Variants in FILIP1 observed in about 807,000 individuals in gnomAD.
The protein encoded by FILIP1 is filamin A interacting protein 1.
Under a neutral mutation model 102.1 loss-of-function variants are expected in FILIP1, and 61 were observed. The ratio of observed to expected loss-of-function variants is 0.60; its 90% CI spans 0.49 to 0.74. The LOEUF (loss-of-function observed/expected upper bound fraction) is 0.74, where lower values mean the gene tolerates loss of function less well. FILIP1 is among the 30% of genes least tolerant of loss of function. The probability of loss-of-function intolerance (pLI) is 0.00; values close to 1 mark genes in which losing one functional copy is unlikely to be tolerated. For missense variants in FILIP1, 1,314 were observed against 1,441.2 expected, an observed-to-expected ratio of 0.91 and a Z score of 1.43; for synonymous variants, 491 against 526.9, an observed-to-expected ratio of 0.93 and a Z score of 0.93.
At chr6:75,415,057 A>T (rs1003967919) in intron 1 of FILIP1, 79 bp from the exon 2 acceptor site, 7 of 1,346,866 alleles carry the variant, frequency 5.2e-6, no homozygotes, top group Admixed American at 4.3e-5. Flanking sequence ...TTAGAAACTT[A>T]TAGCAGCTTT....
chr6:75,436,361 T>G (rs1470866375), intron 1 of FILIP1, among the ~76,000 whole-genome samples: 1 of 148,670 alleles, frequency 6.7e-6, no homozygotes, highest in African/African-American at 2.5e-5. Flanking sequence ...TGAGACCCTG[T>G]CTCAGGAAAA....
chr6:75,417,671 G>A (rs1777314356), intron 1 of FILIP1, among the ~76,000 whole-genome samples: 1 of 152,136 alleles, frequency 6.6e-6, no homozygotes, highest in Admixed American at 6.6e-5. Context: ...TCAACCCTGT[G>A]AAGTAGGTGC....
At chr6:75,457,991 T>A (rs1179510874) in intron 1 of FILIP1, among the ~76,000 whole-genome samples, 1 of 152,144 alleles carries the variant, frequency 6.6e-6, no homozygotes, top group Non-Finnish European at 1.5e-5. Flanking sequence ...ACCCCACCAA[T>A]AAGGCTACCA....
Position 75,441,706 on chromosome 6 carries a change from G to T in FILIP1, c.-6-26728C>A, listed in dbSNP as rs866428672. Among the ~76,000 whole-genome samples the T allele has an allele frequency of 2.1e-3, 302 of 145,792 alleles. 1 individual carries two copies. The highest frequency in any genetic ancestry group is 3.0e-3 in the Non-Finnish European group (200 of 66,368). On this transcript the variant is annotated intron_variant, in intron 1 of 5. Transcript: ENST00000237172. ...CTGACGGGGCGGCTGGCCGGGCGGG[G>T]GACTGACCCCCCCACCTCCCTCCCG...
intron 1 of FILIP1, among the ~76,000 whole-genome samples, chr6:75,473,563 T>C (rs1022074726): frequency 4.6e-5 from 7 of 152,110 alleles, no homozygotes; most frequent in African/African-American, 1.7e-4. Flanking sequence ...AGCTTTTCTG[T>C]AAATATGTGA....
chr6:75,345,799 C>T (rs1241310857), intron 4 of FILIP1, among the ~76,000 whole-genome samples: 1 of 152,128 alleles, frequency 6.6e-6, no homozygotes, highest in Non-Finnish European at 1.5e-5. Flanking sequence ...GAACTTTCTA[C>T]TCCTTAACCC....
intron 2 of FILIP1, among the ~76,000 whole-genome samples, chr6:75,372,623 A>AAGAAAGAT (rs1775564203): frequency 1.1e-4 from 4 of 35,076 alleles, no homozygotes; most frequent in Non-Finnish European, 2.0e-4. Context: ...AAGAAAGAAA[A>AAGAAAGAT]AGAAAGAAAG....
exon 7 of FILIP1, chr6:75,293,001 T>G (rs1371816543): frequency 6.6e-6 from 1 of 152,208 alleles, no homozygotes; most frequent in Non-Finnish European, 1.5e-5. Context: ...TCTTCACATT[T>G]TGTGAAAATT....
At chr6:75,307,440 C>G (rs960934276), downstream of FILIP1, among the ~76,000 whole-genome samples, 6 of 152,074 alleles carry the variant, frequency 3.9e-5, no homozygotes, top group Admixed American at 6.6e-5. Flanking sequence ...TGACTTTTTG[C>G]TGTTGTATTT....
At chr6:75,339,711 G>A (rs934958009) in intron 4 of FILIP1, among the ~76,000 whole-genome samples, 3 of 152,174 alleles carry the variant, frequency 2.0e-5, no homozygotes, top group African/African-American at 7.2e-5. Flanking sequence ...ACTTTGGGAG[G>A]CCAAGGCAGG....
chr6:75,367,147 C>T (rs1775365351), intron 2 of FILIP1, among the ~76,000 whole-genome samples: 1 of 152,116 alleles, frequency 6.6e-6, no homozygotes, highest in African/African-American at 2.4e-5. Context: ...TTCCTTTCCT[C>T]CCCCGAAATA....
intron 2 of FILIP1, among the ~76,000 whole-genome samples, chr6:75,381,113 A>T (rs1775893859): frequency 6.6e-6 from 1 of 152,140 alleles, no homozygotes; most frequent in Admixed American, 6.5e-5. Flanking sequence ...TCACATCTAA[A>T]ATTTCTTTAC....
intron 1 of FILIP1, among the ~76,000 whole-genome samples, chr6:75,430,849 G>T (rs1777799935): frequency 6.6e-6 from 1 of 152,222 alleles, no homozygotes; most frequent in African/African-American, 2.4e-5. Context: ...TGGTACTCCT[G>T]TTGGTCCCTA....
intron 3 of FILIP1, among the ~76,000 whole-genome samples, chr6:75,356,929 A>T (rs1241052136): frequency 1.3e-5 from 2 of 152,208 alleles, no homozygotes; most frequent in Non-Finnish European, 2.9e-5. Context: ...AAACATCATC[A>T]TCATCATCAA....
At chr6:75,451,738 G>T (rs1331125858) in intron 1 of FILIP1, among the ~76,000 whole-genome samples, 1 of 152,080 alleles carries the variant, frequency 6.6e-6, no homozygotes, top group African/African-American at 2.4e-5. Flanking sequence ...GGAGGGTGAG[G>T]CAGGAGAATC....
intron 1 of FILIP1, among the ~76,000 whole-genome samples, chr6:75,453,510 T>A (rs1778710660): frequency 6.6e-6 from 1 of 152,096 alleles, no homozygotes; most frequent in Non-Finnish European, 1.5e-5. Flanking sequence ...AGGTGAAAAT[T>A]TTTTAAGAGA....
intron 1 of FILIP1, among the ~76,000 whole-genome samples, chr6:75,467,951 T>C (rs150198098): frequency 6.6e-6 from 1 of 152,148 alleles, no homozygotes; most frequent in Non-Finnish European, 1.5e-5. Flanking sequence ...TAGGCCACAT[T>C]TGGAGTCAAA....
chr6:75,469,565 A>G (rs1779272562), intron 1 of FILIP1, among the ~76,000 whole-genome samples: 1 of 152,106 alleles, frequency 6.6e-6, no homozygotes, highest in African/African-American at 2.4e-5. Flanking sequence ...TAAAAGGATT[A>G]GCTTTTAAGA....
intron 1 of FILIP1, among the ~76,000 whole-genome samples, chr6:75,432,744 C>T (rs910496484): frequency 2.0e-5 from 3 of 151,868 alleles, no homozygotes; most frequent in African/African-American, 4.8e-5. Context: ...AGGTTTGTTA[C>T]GTATGTATAC....
Sources: gnomAD v4.1 joint callset for allele counts (sites outside exome capture counted in the v4.1 genomes callset) on GRCh38, gnomAD v4.1.1 for gene constraint, MANE v1.5 for transcripts, NCBI Gene and HGNC (gene_info 2026-07-23, HGNC 2026-07-21) for gene names.